PSD3: variants seen among roughly 807,000 people sequenced by gnomAD.
The protein encoded by PSD3 is pleckstrin and Sec7 domain containing 3.
Under a neutral mutation model 105.5 loss-of-function variants are expected in PSD3, and 49 were observed. The ratio of observed to expected loss-of-function variants is 0.46; its 90% CI spans 0.37 to 0.59. PSD3 has a LOEUF of 0.59. Ranked by LOEUF, PSD3 falls within the 20% of genes least tolerant of loss-of-function variation. PSD3 has a pLI of 0.00. For missense variants in PSD3, 1,561 were observed against 1,263.8 expected (o/e 1.24, Z -3.57); for synonymous variants, 557 against 457.8 (o/e 1.22, Z -2.77).
At chr8:18,537,217 C>T (rs1799895322) in intron 15 of PSD3, among the ~76,000 whole-genome samples, 4 of 152,136 alleles carry the variant, frequency 2.6e-5, no homozygotes, top group African/African-American at 7.2e-5. Flanking sequence ...GTCATTCACA[C>T]AATATTCATA....
At chr8:18,865,271 TATATATATATATA>T (rs1816820332) in intron 4 of PSD3, 13 of 4,350 alleles carry the variant, frequency 3.0e-3, no homozygotes, top group Non-Finnish European at 4.0e-3. Flanking sequence ...TATATATATA[TATATATATATATA>T]TATTTTTTTT....
At chr8:18,547,340 C>A (rs898465081) in intron 15 of PSD3, among the ~76,000 whole-genome samples, 2 of 152,176 alleles carry the variant, frequency 1.3e-5, no homozygotes, top group Admixed American at 6.5e-5. Context: ...CAGGCAGCTC[C>A]CCAAACTAGG....
chr8:18,553,977 G>A (rs994682779), intron 15 of PSD3, among the ~76,000 whole-genome samples: 1 of 152,152 alleles, frequency 6.6e-6, no homozygotes, highest in African/African-American at 2.4e-5. Flanking sequence ...ACGATTTGAT[G>A]AAAGCAAGAC....
At chr8:18,573,910 T>G (rs79104851) in intron 13 of PSD3, among the ~76,000 whole-genome samples, 4 of 152,100 alleles carry the variant, frequency 2.6e-5, no homozygotes, top group Non-Finnish European at 4.4e-5. Flanking sequence ...ATCACTGAAA[T>G]GTACATTTCA....
chr8:18,551,242 C>A (rs1463801883), intron 15 of PSD3, among the ~76,000 whole-genome samples: 1 of 152,128 alleles, frequency 6.6e-6, no homozygotes. Flanking sequence ...AGGCTAGGAT[C>A]ACAACCAGAA....
intron 9 of PSD3, among the ~76,000 whole-genome samples, chr8:18,698,727 A>G (rs1242764397): frequency 6.6e-6 from 1 of 152,210 alleles, no homozygotes; most frequent in African/African-American, 2.4e-5. Context: ...TAATCATACA[A>G]GTAACATCCA....
At chr8:18,633,410 C>A (rs1216856723) in intron 10 of PSD3, among the ~76,000 whole-genome samples, 1 of 152,052 alleles carries the variant, frequency 6.6e-6, no homozygotes, top group East Asian at 1.9e-4. Context: ...CTGCTACTTT[C>A]TCAACCGCCA....
rs531815800 is a variant in PSD3, at chr8:18,533,210, C to T, written c.*2533G>A. On this transcript the variant is annotated 3_prime_UTR_variant, in exon 16 of 16. Coordinates refer to ENST00000327040, the MANE Select transcript of PSD3 (RefSeq NM_015310.4). ...CTCCCATAGCATAAACTCTTGGCCT[C>T]CTTCATGCACTCATGACAGACAGCA... is the stretch of plus-strand genomic sequence containing the variant. 6.6e-6 allele frequency: 1 copy of T among 152,336 alleles called. No individual in the cohort carries two copies. 9.4% of individuals were successfully genotyped at this position (152,336 alleles called of 1,614,324 possible). A position where few individuals can be genotyped will look rare whatever the true frequency, so the allele number is the denominator to read the frequency against.
chr8:19,029,625 G>T (rs1827687069), intron 1 of PSD3, among the ~76,000 whole-genome samples: 1 of 152,120 alleles, frequency 6.6e-6, no homozygotes, highest in Non-Finnish European at 1.5e-5. Flanking sequence ...AACAGCATGA[G>T]GGTGAACATC....
intron 2 of PSD3, among the ~76,000 whole-genome samples, chr8:18,913,060 A>G (rs1172330593): frequency 1.4e-5 from 2 of 145,492 alleles, no homozygotes; most frequent in Non-Finnish European, 3.0e-5. Context: ...AATCTAAACA[A>G]CTTTATAAAC....
At chr8:18,703,774 A>G (rs541863546) in intron 9 of PSD3, among the ~76,000 whole-genome samples, 1 of 152,342 alleles carries the variant, frequency 6.6e-6, no homozygotes, top group Non-Finnish European at 1.5e-5. Flanking sequence ...ATATAACACT[A>G]AGCCTGAAAA....
chr8:18,660,674 TG>T (rs1319244829), intron 9 of PSD3, among the ~76,000 whole-genome samples: 1 of 152,182 alleles, frequency 6.6e-6, no homozygotes, highest in Non-Finnish European at 1.5e-5. Flanking sequence ...ATCAGCTCCT[TG>T]GACGAGGAAA....
Position 18,533,330 on chromosome 8 carries a change from G to T in PSD3, c.*2413C>A, listed in dbSNP as rs1279379084. The T allele has an allele frequency of 6.6e-6, 1 of 152,174 alleles. No homozygotes were observed. The highest frequency in any genetic ancestry group is 1.5e-5 in the Non-Finnish European group (1 of 68,048). 9.4% of individuals were successfully genotyped at this position (152,174 alleles called of 1,614,324 possible). On this transcript the variant is annotated 3_prime_UTR_variant, in exon 16 of 16. Transcript: ENST00000327040. ...CAGTCTGAGATCCTGGCTCACAAAA[G>T]AACCTTTAAAGTTGTTTTTAAAGAT... is the stretch of plus-strand genomic sequence containing the variant.
chr8:19,083,307 G>A (rs772853167), intron 1 of PSD3, among the ~76,000 whole-genome samples: 24 of 152,230 alleles, frequency 1.6e-4, no homozygotes, highest in Non-Finnish European at 2.9e-4. Flanking sequence ...CAGTGCACCT[G>A]AGCTGGGTGG....
intron 1 of PSD3, among the ~76,000 whole-genome samples, chr8:19,051,542 A>G (rs1828530084): frequency 6.6e-6 from 1 of 152,204 alleles, no homozygotes; most frequent in African/African-American, 2.4e-5. Context: ...GTGTGTTTGC[A>G]TGAATTTTCT....
At position 18,545,315 on chromosome 8, in the gene PSD3, C is replaced by A. The variant is rs61216858; in HGVS notation, c.2929-9357G>T. The stretch of plus-strand genomic sequence containing the variant: ...CCAAACCACAAACAGAGCAACCTTA[C>A]GAAGATCTGCCACCCACAAGGCCTC... On this transcript the variant is annotated intron_variant, in intron 15 of 15. Coordinates refer to ENST00000327040, the MANE Select transcript of PSD3 (RefSeq NM_015310.4). Among the ~76,000 whole-genome samples, 345 of 152,256 alleles carry A rather than the reference C, an allele frequency of 2.3e-3. 1 individual carries two copies. The highest frequency in any genetic ancestry group is 8.1e-3 in the African/African-American group (335 of 41,554).
At chr8:18,746,138 C>T (rs1804998995) in intron 9 of PSD3, among the ~76,000 whole-genome samples, 1 of 152,130 alleles carries the variant, frequency 6.6e-6, no homozygotes, top group African/African-American at 2.4e-5. Flanking sequence ...ACGTATTTTA[C>T]ATATACCCTT....
chr8:18,568,013 C>T (rs1801901009), intron 14 of PSD3, among the ~76,000 whole-genome samples: 2 of 152,174 alleles, frequency 1.3e-5, no homozygotes, highest in African/African-American at 4.8e-5. Flanking sequence ...GAGCCTGGCA[C>T]TTTCCCTTCC....
intron 11 of PSD3, among the ~76,000 whole-genome samples, chr8:18,611,892 C>G (rs1563377127): frequency 6.6e-6 from 1 of 152,154 alleles, no homozygotes; most frequent in Non-Finnish European, 1.5e-5. Context: ...TTGCAAATGA[C>G]TAAAAGGCAG....
Sources: gnomAD v4.1 joint callset for allele counts (sites outside exome capture counted in the v4.1 genomes callset) on GRCh38, gnomAD v4.1.1 for gene constraint, MANE v1.5 for transcripts, NCBI Gene and HGNC (gene_info 2026-07-23, HGNC 2026-07-21) for gene names.